NPC1L1: variants seen among roughly 807,000 people sequenced by gnomAD.
NPC1L1 encodes NPC1-like intracellular cholesterol transporter 1.
NPC1L1 carries 98 observed loss-of-function variants against 117.0 expected under a neutral mutation model. The ratio of observed to expected loss-of-function variants is 0.84; its 90% confidence interval spans 0.71 to 0.99. The LOEUF (loss-of-function observed/expected upper bound fraction) is 0.99, where lower values mean the gene tolerates loss of function less well. Ranked by LOEUF, NPC1L1 falls within the 50% of genes least tolerant of loss-of-function variation. The pLI, the probability that NPC1L1 is intolerant of heterozygous loss-of-function variation, is 0.00. For synonymous variants in NPC1L1, 729 were observed against 727.6 expected, an observed-to-expected ratio of 1.00 and a Z score of -0.03; for missense variants, 1,540 against 1,710.0, an observed-to-expected ratio of 0.90 and a Z score of 1.75.
intron 15 of NPC1L1, 127 bp downstream of exon 15, chr7:44,517,080 C>T: frequency 1.4e-6 from 2 of 1,453,330 alleles, no homozygotes; most frequent in Non-Finnish European, 1.9e-6. Flanking sequence ...CCCAAGGCTG[C>T]AGCCAGAGCC....
At chr7:44,521,476 A>G (rs1801350540) in intron 12 of NPC1L1, among the ~76,000 whole-genome samples, 1 of 152,164 alleles carries the variant, frequency 6.6e-6, no homozygotes, top group Non-Finnish European at 1.5e-5. Context: ...TGCTCTGAAA[A>G]TGGGGGCACA....
intron 10 of NPC1L1, 121 bp downstream of exon 10, chr7:44,531,634 G>T: frequency 2.4e-6 from 2 of 829,372 alleles, no homozygotes; most frequent in East Asian, 2.7e-5. Flanking sequence ...CCAGAGTAAT[G>T]AACAATTCTG....
rs1249985287 is a variant in NPC1L1 at position 44,526,480 on chromosome 7, T to A, written c.2638-4238A>T. The stretch of plus-strand genomic sequence containing the variant: ...AGTAGAATCTCTTGAACCTGGGAGG[T>A]GGAGGTTGCAGTGAGCCGAGATCAC... On this transcript the variant is annotated intron_variant, in intron 10 of 18. Transcript: ENST00000381160. Among the ~76,000 whole-genome samples the A allele has an allele frequency of 5.6e-5, 7 of 124,086 alleles. No homozygotes were observed. In the East Asian group the frequency reaches 1.7e-3, roughly 30 times the overall value. 81.4% of individuals were successfully genotyped at this position (124,086 alleles called of 152,430 possible).
At position 44,517,057 on chromosome 7, in the gene NPC1L1, C is replaced by T; in HGVS notation, c.3288-123G>A. 4 of 1,443,478 alleles carry T rather than the reference C, an allele frequency of 2.8e-6. No homozygotes were observed. In the East Asian group the frequency reaches 9.1e-5, roughly 33 times the overall value. The allele number at this position is 1,443,478 out of a possible 1,614,324, so 89.4% of individuals were successfully genotyped here. A position where few individuals can be genotyped will look rare whatever the true frequency, so the allele number is the denominator to read the frequency against. The stretch of plus-strand genomic sequence containing the variant: ...AGGCTTATATTGGGGTACAAACCAG[C>T]CTAAGAAATAGGCCCAAGGCTGCAG... On this transcript the variant is annotated intron_variant, in intron 15 of 18. Coordinates refer to ENST00000381160, the MANE Select transcript of NPC1L1 (RefSeq NM_001101648.2).
chr7:44,513,007 C>T lies in NPC1L1; in HGVS notation c.*440G>A. On this transcript the variant is annotated 3_prime_UTR_variant, in exon 19 of 19. Coordinates refer to ENST00000381160, the MANE Select transcript of NPC1L1 (RefSeq NM_001101648.2). ...CTCTCTCTGGCCTCCTGTGATATCA[C>T]ACCCAGGGTAGTGGTCATTGTCTGT... 1 of 244,362 alleles carries T rather than the reference C, an allele frequency of 4.1e-6. No individual in the cohort carries two copies. The highest frequency in any genetic ancestry group is 5.5e-5 in the South Asian group (1 of 18,062). 15.1% of individuals were successfully genotyped at this position (244,362 alleles called of 1,614,324 possible).
chr7:44,522,288 C>A (rs1330385947), intron 10 of NPC1L1, 46 bp from the exon 11 acceptor site: 3 of 1,558,146 alleles, frequency 1.9e-6, no homozygotes, highest in Non-Finnish European at 2.6e-6. Context: ...CTATGCACAC[C>A]CCTAAAGGGC....
intron 8 of NPC1L1, chr7:44,533,195 T>C: frequency 2.2e-6 from 1 of 447,280 alleles, no homozygotes; most frequent in Non-Finnish European, 4.1e-6. Context: ...CTGTATTTTA[T>C]TTCTCAACAT....
chr7:44,518,285 T>G (rs1801250121), intron 14 of NPC1L1, among the ~76,000 whole-genome samples: 1 of 149,518 alleles, frequency 6.7e-6, no homozygotes, highest in South Asian at 2.3e-4. Context: ...TTGTCCTGCC[T>G]CAGCCTCCCA....
At chr7:44,522,392 C>T (rs1168857233) in intron 10 of NPC1L1, 150 bp from the exon 11 acceptor site, 2 of 793,382 alleles carry the variant, frequency 2.5e-6, no homozygotes, top group South Asian at 1.5e-5. Context: ...CACAGAGGAA[C>T]ATGTTCAGAG....
intron 14 of NPC1L1, among the ~76,000 whole-genome samples, chr7:44,519,196 A>G (rs1801281260): frequency 6.6e-6 from 1 of 152,086 alleles, no homozygotes; most frequent in Non-Finnish European, 1.5e-5. Context: ...ACCTAGCTGG[A>G]ACTTCATTTT....
rs1801777164 is a variant in NPC1L1 at position 44,533,795 on chromosome 7, C to G, written c.2225G>C (p.Arg742Thr). 6.2e-7 allele frequency: 1 copy of G among 1,613,898 alleles called. No individual in the cohort carries two copies. The highest frequency in any genetic ancestry group is 8.5e-7 in the Non-Finnish European group (1 of 1,180,020). The change falls in exon 7 of 19, where the codon AGG (arginine) becomes ACG (threonine). Residue 742 changes from arginine to threonine, a missense_variant. Arg to Thr is a moderately conservative substitution (Grantham distance 71). This residue lies in a region of NPC1L1 where 742 missense variants were observed against 873.6 expected (regional missense o/e 0.85). Transcript: ENST00000381160. ...REVHIGRALG[R>T]VAPSMLLCSL... The stretch of plus-strand genomic sequence containing the variant: ...GCACAACAGCATGCTGGGAGCCACC[C>G]TGCCTAGGGCTCGCCCAATGTGGAC...
intron 15 of NPC1L1, 29 bp downstream of exon 15, chr7:44,517,178 C>G (rs1016605319): frequency 1.9e-6 from 3 of 1,613,810 alleles, no homozygotes; most frequent in Non-Finnish European, 2.5e-6. Flanking sequence ...TACCCCACCT[C>G]CCTCCAGCCC....
At chr7:44,522,722 T>C (rs1178429033) in intron 10 of NPC1L1, among the ~76,000 whole-genome samples, 1 of 152,058 alleles carries the variant, frequency 6.6e-6, no homozygotes, top group Non-Finnish European at 1.5e-5. Context: ...AGTACACTTA[T>C]GCAGGTACAA....
chr7:44,536,492 C>T lies in NPC1L1; in HGVS notation c.1682-64G>A. Reference sequence around the variant, plus strand: ...GTGCCTCCCTCCCCCTCCAGCTGCACCCCTATATTCCCTCCCCCTATCTAG... The same window carrying T: ...GTGCCTCCCTCCCCCTCCAGCTGCATCCCTATATTCCCTCCCCCTATCTAG... On this transcript the variant is annotated intron_variant, in intron 3 of 18. Transcript: ENST00000381160. This position sits in a 1 kb window ranked among gnomAD's most constrained non-coding sequence, Gnocchi z 4.7. The T allele has an allele frequency of 6.5e-7, 1 of 1,545,448 alleles. No individual in the cohort carries two copies. The highest frequency in any genetic ancestry group is 8.8e-7 in the Non-Finnish European group (1 of 1,130,836).
chr7:44,529,110 AACACACACACACACACACACACAC>A lies in NPC1L1; in HGVS notation c.2637+2621_2637+2644del, dbSNP rs59108479. ...AAAAAAAGAGTGGTAGAATGAATTA[AACACACACACACACACACACACAC>A]ACACACACACACACACACACACACA... On this transcript the variant is annotated intron_variant, in intron 10 of 18. Transcript: ENST00000381160. 4.0e-3 allele frequency among the ~76,000 whole-genome samples: 491 copies of A among 123,032 alleles called. 3 individuals carry two copies. Among genetic ancestry groups the A allele is most frequent in the African/African-American group, 0.012 (393 of 31,574 alleles). The allele number at this position is 123,032 out of a possible 152,430, so 80.7% of individuals were successfully genotyped here.
At chr7:44,537,901 T>C (rs1314313339) in intron 2 of NPC1L1, among the ~76,000 whole-genome samples, 2 of 152,036 alleles carry the variant, frequency 1.3e-5, no homozygotes, top group Non-Finnish European at 2.9e-5. Context: ...ACAGACACTC[T>C]GGGAAGCAGC....
chr7:44,515,059 A>T (rs1033612988), intron 18 of NPC1L1, among the ~76,000 whole-genome samples: 3 of 151,862 alleles, frequency 2.0e-5, no homozygotes, highest in African/African-American at 7.3e-5. Context: ...ATAAATAACA[A>T]ATTTAAAGTA....
At position 44,540,196 on chromosome 7, in the gene NPC1L1, T is replaced by C; in HGVS notation, c.201A>G (p.Thr67=). The C allele has an allele frequency of 6.2e-7, 1 of 1,614,032 alleles. No individual in the cohort carries two copies. The highest frequency in any genetic ancestry group is 8.5e-7 in the Non-Finnish European group (1 of 1,180,008). ...TCTGTAATAGGATCAGGTGATCACCTGTGATCTTGCGGGCCGGCGTGTTGG... is the reference window on the plus strand; with the variant it reads ...TCTGTAATAGGATCAGGTGATCACCCGTGATCTTGCGGGCCGGCGTGTTGG... ...CLSNTPARKI[T]GDHLILLQKI... is the part of the protein sequence containing the mutation. The change falls in exon 2 of 19, where the codon ACA becomes ACG. Residue 67 remains threonine, a synonymous_variant. Transcript: ENST00000381160.
intron 8 of NPC1L1, among the ~76,000 whole-genome samples, chr7:44,532,590 C>T (rs1004992529): frequency 6.6e-6 from 1 of 152,304 alleles, no homozygotes; most frequent in African/African-American, 2.4e-5. Context: ...CTGAAGACGA[C>T]GAGGATGAAG....
Sources: gnomAD v4.1 joint callset for allele counts (sites outside exome capture counted in the v4.1 genomes callset) on GRCh38, gnomAD v4.1.1 for gene constraint, gnomAD v4.1.1 regional missense constraint, Gnocchi (gnomAD v3.1) non-coding constraint, MANE v1.5 for transcripts, NCBI Gene and HGNC (gene_info 2026-07-23, HGNC 2026-07-21) for gene names.